CDH13: variants seen among roughly 807,000 people sequenced by gnomAD.
CDH13 encodes the protein cadherin 13, also known as cadherin-13.
In CDH13, 24 loss-of-function variants were observed where a neutral mutation model predicts 63.8. That is an observed-to-expected ratio of 0.38 (90% CI 0.27 to 0.53). The LOEUF (loss-of-function observed/expected upper bound fraction) is 0.53. Among genes scored for constraint, CDH13 ranks in the 20% least tolerant of loss-of-function variants. The probability of loss-of-function intolerance (pLI) is 0.85; values close to 1 mark genes in which losing one functional copy is unlikely to be tolerated. For synonymous variants in CDH13, 503 were observed against 355.3 expected, an observed-to-expected ratio of 1.42 and a Z score of -4.67; for missense variants, 1,049 against 903.1, an observed-to-expected ratio of 1.16 and a Z score of -2.07.
intron 1 of CDH13, among the ~76,000 whole-genome samples, chr16:82,697,300 C>T (rs1394273491): frequency 6.6e-6 from 1 of 151,992 alleles, no homozygotes; most frequent in Non-Finnish European, 1.5e-5. Context: ...ACAGTTGATC[C>T]ATATTCCCAG....
intron 1 of CDH13, among the ~76,000 whole-genome samples, chr16:82,633,448 C>G (rs1010825235): frequency 6.6e-6 from 1 of 152,174 alleles, no homozygotes; most frequent in East Asian, 1.9e-4. Flanking sequence ...GGCGCGATGT[C>G]GGCTCACTGC....
At chr16:83,472,003 T>G (rs9932655) in intron 6 of CDH13, among the ~76,000 whole-genome samples, 3,825 of 152,334 alleles carry the variant, frequency 0.025, 164 homozygotes, top group African/African-American at 0.086. Flanking sequence ...ACTTCTCTTC[T>G]GCTTCTTTAT....
chr16:82,656,612 T>A (rs1370219922), intron 1 of CDH13, among the ~76,000 whole-genome samples: 2 of 152,084 alleles, frequency 1.3e-5, no homozygotes, highest in African/African-American at 4.8e-5. Context: ...TACATGAGGG[T>A]TCACTCTTGG....
intron 2 of CDH13, among the ~76,000 whole-genome samples, chr16:83,000,217 T>C (rs1267638252): frequency 1.5e-5 from 2 of 131,548 alleles, no homozygotes; most frequent in Non-Finnish European, 3.2e-5. Context: ...TCCACAGGTT[T>C]AGCTTATTTT....
At position 83,520,079 on chromosome 16, in the gene CDH13, T is replaced by C. The variant is rs74431189; in HGVS notation, c.960+33424T>C. Among the ~76,000 whole-genome samples the C allele has an allele frequency of 2.4e-3, 372 of 152,272 alleles. 2 individuals are homozygous for C. Among genetic ancestry groups the C allele is most frequent in the African/African-American group, 8.6e-3 (358 of 41,554 alleles). ...AACTTAAAGGACTGACAATATCAAG[T>C]GCTGACAAGTATGTAGAACAACTAG... On this transcript the variant is annotated intron_variant, in intron 7 of 13. Coordinates refer to ENST00000567109, the MANE Select transcript of CDH13 (RefSeq NM_001257.5).
chr16:83,691,851 C>G (rs1020524714), intron 10 of CDH13, among the ~76,000 whole-genome samples: 1 of 152,128 alleles, frequency 6.6e-6, no homozygotes, highest in Non-Finnish European at 1.5e-5. Context: ...CCAAATTGCT[C>G]AAGGTTACGA....
intron 4 of CDH13, among the ~76,000 whole-genome samples, chr16:83,199,548 G>C (rs1240492657): frequency 1.3e-5 from 2 of 152,230 alleles, no homozygotes; most frequent in East Asian, 3.8e-4. Context: ...TGCACACGTA[G>C]CTTTAGCACA....
rs1290505218 is a variant in CDH13 at position 82,941,720 on chromosome 16, CT to C, written c.157+83252del. On this transcript the variant is annotated intron_variant, in intron 2 of 13. Coordinates refer to ENST00000567109, the MANE Select transcript of CDH13 (RefSeq NM_001257.5). ...CTATCTCTAACCACCTCCGAGTTTT[CT>C]TTTTCCATCCCTGTTCCCATCTCTC... Among the ~76,000 whole-genome samples the C allele has an allele frequency of 2.0e-5, 3 of 152,134 alleles. No homozygotes were observed. In the East Asian group the frequency reaches 5.8e-4, roughly 29 times the overall value.
intron 9 of CDH13, among the ~76,000 whole-genome samples, chr16:83,673,254 T>A (rs1685689732): frequency 1.3e-5 from 2 of 152,218 alleles, no homozygotes; most frequent in South Asian, 2.1e-4. Flanking sequence ...TATTACGTAG[T>A]ACATACATTC....
chr16:83,777,294 C>T (rs527810490), intron 11 of CDH13, among the ~76,000 whole-genome samples: 11 of 152,320 alleles, frequency 7.2e-5, no homozygotes, highest in Non-Finnish European at 1.3e-4. Context: ...TGTGATGCTA[C>T]TCAAGGCCCT....
chr16:83,222,393 TAC>T (rs2039724658), intron 5 of CDH13, among the ~76,000 whole-genome samples: 1 of 152,204 alleles, frequency 6.6e-6, no homozygotes, highest in South Asian at 2.1e-4. Context: ...TTTGGCAGAA[TAC>T]ACATTAAAGT....
intron 2 of CDH13, among the ~76,000 whole-genome samples, chr16:82,996,911 G>A (rs1302794826): frequency 6.6e-6 from 1 of 151,866 alleles, no homozygotes; most frequent in Non-Finnish European, 1.5e-5. Context: ...TGATGGTGAT[G>A]TTGATTATTA....
At chr16:83,626,238 T>G (rs532964889) in intron 8 of CDH13, among the ~76,000 whole-genome samples, 2 of 152,240 alleles carry the variant, frequency 1.3e-5, no homozygotes, top group East Asian at 1.9e-4. Flanking sequence ...TTCCTCCTCG[T>G]TGTAATTGTT....
intron 12 of CDH13, among the ~76,000 whole-genome samples, chr16:83,782,735 CGA>C (rs1491232364): frequency 1.4e-4 from 16 of 116,756 alleles, no homozygotes; most frequent in East Asian, 1.1e-3. Flanking sequence ...GACCCTGTCT[CGA>C]AAAAAAAAAA....
At chr16:83,791,162 G>GT (rs538099993) in intron 13 of CDH13, among the ~76,000 whole-genome samples, 169 of 151,238 alleles carry the variant, frequency 1.1e-3, no homozygotes, top group African/African-American at 3.8e-3. Context: ...CTGAAAAAAA[G>GT]AAAAAAAAGC....
At chr16:83,177,833 A>G (rs1057514644) in intron 4 of CDH13, among the ~76,000 whole-genome samples, 1 of 152,214 alleles carries the variant, frequency 6.6e-6, no homozygotes, top group South Asian at 2.1e-4. Flanking sequence ...TACCACAATG[A>G]TAATTATTTG....
intron 5 of CDH13, among the ~76,000 whole-genome samples, chr16:83,324,433 C>A (rs2090313019): frequency 1.3e-5 from 2 of 152,180 alleles, no homozygotes; most frequent in Non-Finnish European, 2.9e-5. Flanking sequence ...TCTAAACAAC[C>A]ACCAGTCTAC....
At chr16:83,382,407 G>C (rs1020777357) in intron 6 of CDH13, among the ~76,000 whole-genome samples, 1 of 152,100 alleles carries the variant, frequency 6.6e-6, no homozygotes, top group Non-Finnish European at 1.5e-5. Flanking sequence ...AAAGTTGCAC[G>C]AACAGAACAA....
chr16:83,292,489 C>G (rs2089488591), intron 5 of CDH13, among the ~76,000 whole-genome samples: 1 of 152,130 alleles, frequency 6.6e-6, no homozygotes, highest in Non-Finnish European at 1.5e-5. Context: ...TTAAATAAAG[C>G]AGCTTTGGGC....
Sources: gnomAD v4.1 joint callset for allele counts (sites outside exome capture counted in the v4.1 genomes callset) on GRCh38, gnomAD v4.1.1 for gene constraint, MANE v1.5 for transcripts, NCBI Gene and HGNC (gene_info 2026-07-23, HGNC 2026-07-21) for gene names.